The following CPNE4 variants were observed in gnomAD, a reference collection of about 807,000 sequenced individuals.
CPNE4 encodes copine-4.
A neutral mutation model predicts 67.9 loss-of-function variants in CPNE4; 25 were observed. The observed-to-expected ratio is 0.37, with a 90% CI of 0.27 to 0.51. The LOEUF (loss-of-function observed/expected upper bound fraction) is 0.51. Ranked by LOEUF, CPNE4 falls within the 20% of genes least tolerant of loss-of-function variation. CPNE4 has a pLI of 0.93. For synonymous variants in CPNE4, 242 were observed against 244.9 expected (o/e 0.99, Z 0.11); for missense variants, 464 against 690.8 (o/e 0.67, Z 3.68).
intron 2 of CPNE4, among the ~76,000 whole-genome samples, chr3:131,805,300 T>G (rs1352686332): frequency 6.6e-6 from 1 of 152,194 alleles, no homozygotes; most frequent in African/African-American, 2.4e-5. Context: ...GGAGCTCTCG[T>G]GCTTCCCATG....
At chr3:131,765,510 G>C (rs2082990221) in intron 2 of CPNE4, among the ~76,000 whole-genome samples, 1 of 152,030 alleles carries the variant, frequency 6.6e-6, no homozygotes, top group African/African-American at 2.4e-5. Flanking sequence ...TCTCTGTCTT[G>C]TAAAACCTGC....
intron 1 of CPNE4, among the ~76,000 whole-genome samples, chr3:131,954,339 A>C (rs1248011650): frequency 3.9e-5 from 6 of 152,210 alleles, no homozygotes; most frequent in Non-Finnish European, 8.8e-5. Flanking sequence ...TTCCATTTAG[A>C]ATTAAACCAC....
intron 1 of CPNE4, among the ~76,000 whole-genome samples, chr3:131,940,431 T>C (rs763612538): frequency 6.6e-6 from 1 of 152,138 alleles, no homozygotes; most frequent in Non-Finnish European, 1.5e-5. Context: ...TCATGTTTTT[T>C]ACATTGAGCA....
At chr3:131,538,453 A>T (rs1346350064) in intron 15 of CPNE4, among the ~76,000 whole-genome samples, 1 of 152,228 alleles carries the variant, frequency 6.6e-6, no homozygotes, top group Non-Finnish European at 1.5e-5. Context: ...AGGGTCAAGA[A>T]TATGAATGAA....
At chr3:131,847,846 C>T (rs1404764565) in intron 2 of CPNE4, among the ~76,000 whole-genome samples, 1 of 152,128 alleles carries the variant, frequency 6.6e-6, no homozygotes, top group Non-Finnish European at 1.5e-5. Flanking sequence ...TGTTGTTCCT[C>T]TTGTAGTCCC....
intron 2 of CPNE4, among the ~76,000 whole-genome samples, chr3:131,768,749 A>G (rs1481620768): frequency 6.6e-6 from 1 of 152,054 alleles, no homozygotes; most frequent in African/African-American, 2.4e-5. Context: ...TCAATGCCAC[A>G]CTTCCCTGCC....
Position 131,992,240 on chromosome 3 carries a change from G to T in CPNE4, c.-2+42327C>A, listed in dbSNP as rs2073188781. The stretch of plus-strand genomic sequence containing the variant: ...TGGAAAAGCCTCAGACACACAAGCT[G>T]TGAAAGCAGCTGGAAGGGAGCTGTA... On this transcript the variant is annotated intron_variant, in intron 1 of 15. Coordinates refer to ENST00000429747, the MANE Select transcript of CPNE4 (RefSeq NM_130808.3). 1.5e-5 allele frequency among the ~76,000 whole-genome samples: 2 copies of T among 136,542 alleles called. 1 individual carries two copies. Among genetic ancestry groups the T allele is most frequent in the Non-Finnish European group, 3.3e-5 (2 of 60,054 alleles). The allele number at this position is 136,542 out of a possible 152,430, so 89.6% of individuals were successfully genotyped here.
chr3:131,741,963 T>G (rs1431327411), intron 2 of CPNE4, among the ~76,000 whole-genome samples: 1 of 152,208 alleles, frequency 6.6e-6, no homozygotes, highest in Non-Finnish European at 1.5e-5. Context: ...ATCCCTTCTT[T>G]TTCACATTGT....
At chr3:131,595,080 A>G (rs1938764656) in intron 7 of CPNE4, among the ~76,000 whole-genome samples, 1 of 152,214 alleles carries the variant, frequency 6.6e-6, no homozygotes, top group Non-Finnish European at 1.5e-5. Flanking sequence ...ATTGGTGAGG[A>G]TGTGGAGAAA....
At chr3:131,954,968 G>GAA (rs3041609) in intron 1 of CPNE4, among the ~76,000 whole-genome samples, 31,869 of 137,190 alleles carry the variant, frequency 0.23, 4,587 homozygotes, top group Non-Finnish European at 0.32. Context: ...GTATGCATGT[G>GAA]AAAAAAAAAA....
chr3:131,792,923 G>GTATATATA (rs1404922942), intron 2 of CPNE4, among the ~76,000 whole-genome samples: 11 of 46,872 alleles, frequency 2.3e-4, no homozygotes, highest in South Asian at 1.2e-3. Flanking sequence ...GTGTGTGTGT[G>GTATATATA]TGTATCTCCA....
intron 1 of CPNE4, among the ~76,000 whole-genome samples, chr3:131,983,575 T>G (rs2107639873): frequency 6.6e-6 from 1 of 152,284 alleles, no homozygotes; most frequent in South Asian, 2.1e-4. Flanking sequence ...ACCAATACTT[T>G]GTATAAGGGT....
chr3:132,034,280 A>C (rs1881906), intron 1 of CPNE4, among the ~76,000 whole-genome samples: 146,860 of 152,112 alleles, frequency 0.97, 71,106 homozygotes, highest in African/African-American at 0.99. Context: ...CACCCGTGCC[A>C]TGCTGTCCCC....
intron 1 of CPNE4, among the ~76,000 whole-genome samples, chr3:131,916,163 G>T (rs1463269995): frequency 6.6e-6 from 1 of 151,990 alleles, no homozygotes; most frequent in Non-Finnish European, 1.5e-5. Flanking sequence ...TATTATTTTG[G>T]CACTGAAATA....
intron 2 of CPNE4, among the ~76,000 whole-genome samples, chr3:131,775,601 TA>T (rs1181603049): frequency 6.6e-6 from 1 of 152,138 alleles, no homozygotes; most frequent in Non-Finnish European, 1.5e-5. Flanking sequence ...GATGGTTTTA[TA>T]AAGGGGAGTT....
intron 2 of CPNE4, among the ~76,000 whole-genome samples, chr3:131,809,715 A>C (rs2084452014): frequency 6.6e-6 from 1 of 152,152 alleles, no homozygotes; most frequent in Non-Finnish European, 1.5e-5. Context: ...ATTTAATATG[A>C]ATGAGAAAAG....
chr3:131,822,362 AC>A (rs1261538339), intron 2 of CPNE4, among the ~76,000 whole-genome samples: 2 of 152,216 alleles, frequency 1.3e-5, no homozygotes, highest in African/African-American at 4.8e-5. Context: ...AGACTGACTA[AC>A]CCTAGCCTTC....
At chr3:131,556,063 G>T (rs1160864236) in intron 11 of CPNE4, among the ~76,000 whole-genome samples, 3 of 152,006 alleles carry the variant, frequency 2.0e-5, no homozygotes, top group African/African-American at 7.2e-5. Context: ...AGATAAGACT[G>T]AATCGAAATG....
At chr3:131,693,361 A>T (rs1398389556) in intron 5 of CPNE4, among the ~76,000 whole-genome samples, 2 of 152,186 alleles carry the variant, frequency 1.3e-5, no homozygotes, top group Non-Finnish European at 2.9e-5. Context: ...TATTGGTTAC[A>T]TTGTTTAAAA....
Sources: gnomAD v4.1 joint callset for allele counts (sites outside exome capture counted in the v4.1 genomes callset) on GRCh38, gnomAD v4.1.1 for gene constraint, MANE v1.5 for transcripts, NCBI Gene and HGNC (gene_info 2026-07-23, HGNC 2026-07-21) for gene names.